The following WDR97 variants were observed in gnomAD, a reference collection of about 807,000 sequenced individuals.
WDR97 encodes the protein WD repeat-containing protein 97.
A neutral mutation model predicts 65.4 loss-of-function variants in WDR97; 111 were observed. That is an observed-to-expected ratio of 1.70 (90% CI 1.45 to 1.99). The LOEUF (loss-of-function observed/expected upper bound fraction) is 1.99, where lower values mean the gene tolerates loss of function less well. WDR97 is among the 30% of genes most tolerant of loss of function. The pLI, the probability that WDR97 is intolerant of heterozygous loss-of-function variation, is 0.00. For synonymous variants in WDR97, 802 were observed against 397.7 expected, an observed-to-expected ratio of 2.02 and a Z score of -12.10; for missense variants, 1,674 against 865.0, an observed-to-expected ratio of 1.94 and a Z score of -11.73.
Position 144,114,879 on chromosome 8 carries a change from C to T in WDR97, c.4045C>T (p.Gln1349Ter), listed in dbSNP as rs1049882379. 1 of 701,414 alleles carries T rather than the reference C, an allele frequency of 1.4e-6. No homozygotes were observed. The highest frequency in any genetic ancestry group is 2.6e-6 in the Non-Finnish European group (1 of 384,470). The allele number at this position is 701,414 out of a possible 1,614,324, so 43.4% of individuals were successfully genotyped here. Reference sequence around the variant, plus strand: ...GGCCGGCCTGCGCACTTGCTGCCACCAGAAACTGGAGGACATGATCCAGGA... The same window carrying T: ...GGCCGGCCTGCGCACTTGCTGCCACTAGAAACTGGAGGACATGATCCAGGA... ...SKAGLRTCCH[Q>*]KLEDMIQELQ... Residue 1349 changes from glutamine to a stop codon, truncating the protein, a stop_gained, in exon 21 of 24, where the codon CAG (glutamine) becomes TAG (stop). Transcript: ENST00000323662. LOFTEE classifies it high-confidence loss of function.
At position 144,112,354 on chromosome 8, in the gene WDR97, G is replaced by C. The variant is rs1163232576; in HGVS notation, c.3021+5G>C. On this transcript the variant is annotated splice_donor_5th_base_variant and intron_variant, in intron 14 of 23. Transcript: ENST00000323662. Reference sequence around the variant, plus strand: ...TCCTCCCACTTGCAGTGCAGGGTGAGGGACCCAGGCAGGTGGGGTACCACC... The same window carrying C: ...TCCTCCCACTTGCAGTGCAGGGTGACGGACCCAGGCAGGTGGGGTACCACC... The C allele has an allele frequency of 1.4e-6, 1 of 702,664 alleles. No homozygotes were observed. The highest frequency in any genetic ancestry group is 1.5e-5 in the South Asian group (1 of 67,604). 43.5% of individuals were successfully genotyped at this position (702,664 alleles called of 1,614,324 possible). A position where few individuals can be genotyped will look rare whatever the true frequency, so the allele number is the denominator to read the frequency against.
chr8:144,110,397 A>G lies in WDR97; in HGVS notation c.1900A>G (p.Ser634Gly), dbSNP rs561801815. The G allele has an allele frequency of 5.7e-6, 4 of 702,986 alleles. No homozygotes were observed. The highest frequency in any genetic ancestry group is 1.0e-5 in the Non-Finnish European group (4 of 384,988). The allele number at this position is 702,986 out of a possible 1,614,324, so 43.5% of individuals were successfully genotyped here. ...RVFPYAEESL[S>G]LLRTFSCCYP... ...CTTCCCCTATGCCGAAGAGAGCCTG[A>G]GCCTGCTGCGCACCTTCTCCTGCTG... The change falls in exon 7 of 24, where the codon AGC becomes GGC. Residue 634 changes from serine (S) to glycine (G), a missense_variant. Physicochemically the swap from Ser to Gly is moderately conservative, Grantham distance 56. Coordinates refer to ENST00000323662, the MANE Select transcript of WDR97 (RefSeq NM_001316309.2).
At position 144,107,807 on chromosome 8, in the gene WDR97, G is replaced by A. The variant is rs569648846; in HGVS notation, c.57G>A (p.Leu19=). The stretch of plus-strand genomic sequence containing the variant: ...ACAACCTAGTTCTGGACTCGGACCT[G>A]TATGATGCGGATGGCTATGATGTCC... The part of the protein sequence containing the change: ...EGYNLVLDSD[L]YDADGYDVPD... Residue 19 remains leucine (L), a synonymous_variant, in exon 1 of 24, where the codon CTG becomes CTA. Coordinates refer to ENST00000323662, the MANE Select transcript of WDR97 (RefSeq NM_001316309.2). 1.4e-6 allele frequency: 1 copy of A among 702,878 alleles called. No homozygotes were observed. The highest frequency in any genetic ancestry group is 2.6e-6 in the Non-Finnish European group (1 of 385,008). The allele number at this position is 702,878 out of a possible 1,614,324, so 43.5% of individuals were successfully genotyped here.
rs922836645 is a variant in WDR97 at position 144,114,865 on chromosome 8, G to A, written c.4031G>A (p.Arg1344His). 4.7e-5 allele frequency: 33 copies of A among 702,036 alleles called. No homozygotes were observed. The highest frequency in any genetic ancestry group is 2.3e-4 in the Middle Eastern group (1 of 4,350). 43.5% of individuals were successfully genotyped at this position (702,036 alleles called of 1,614,324 possible). ...GACCTGGACTCCAAGGCCGGCCTGC[G>A]CACTTGCTGCCACCAGAAACTGGAG... ...GPDLDSKAGL[R>H]TCCHQKLEDM... Residue 1344 changes from arginine to histidine, a missense_variant, in exon 21 of 24, where the codon CGC (arginine) becomes CAC (histidine). Coordinates refer to ENST00000323662, the MANE Select transcript of WDR97 (RefSeq NM_001316309.2).
In WDR97 at chr8:144,113,698, G is replaced by A. The variant is rs755427262; in HGVS notation, c.3225G>A (p.Arg1075=). Reference sequence around the variant, plus strand: ...ATGCCCTGTGGTTGTGGCGCCCCAGGCCATCCCAAACCCAGTGGCAGAGGA... The same window carrying A: ...ATGCCCTGTGGTTGTGGCGCCCCAGACCATCCCAAACCCAGTGGCAGAGGA... ...SQDALWLWRP[R]PSQTQWQRKL... is the part of the protein sequence containing the mutation. The change falls in exon 17 of 24, where the codon AGG becomes AGA. Residue 1075 remains arginine (R), a synonymous_variant. Transcript: ENST00000323662. 7.4e-6 allele frequency: 5 copies of A among 677,864 alleles called. No homozygotes were observed. Among genetic ancestry groups the A allele is most frequent in the South Asian group, 6.3e-5 (4 of 63,534 alleles). The allele number at this position is 677,864 out of a possible 1,614,324, so 42.0% of individuals were successfully genotyped here.
In WDR97 at chr8:144,109,369, G is replaced by A. The variant is rs1356009779; in HGVS notation, c.1035G>A (p.Thr345=). ...PVTAMTVLPN[T]TLVLSASQDG... ...CGGCTATGACTGTGCTCCCGAACAC[G>A]ACCCTGGTGTTGTCGGCCTCGCAGG... Residue 345 remains threonine, a synonymous_variant, in exon 5 of 24, where the codon ACG becomes ACA. Coordinates refer to ENST00000323662, the MANE Select transcript of WDR97 (RefSeq NM_001316309.2). 1.4e-6 allele frequency: 1 copy of A among 702,482 alleles called. No individual in the cohort carries two copies. Among genetic ancestry groups the A allele is most frequent in the East Asian group, 2.7e-5 (1 of 37,290 alleles). The allele number at this position is 702,482 out of a possible 1,614,324, so 43.5% of individuals were successfully genotyped here.
rs1836523109 is a variant in WDR97, at chr8:144,110,427, C to G, written c.1930C>G (p.Pro644Ala). ...GCTGCGCACCTTCTCCTGCTGCTAC[C>G]CGGCCGTGGCGCTCTGTGCGCTAGG... ...SLLRTFSCCY[P>A]AVALCALGRR... The change falls in exon 7 of 24, where the codon CCG becomes GCG. Residue 644 changes from proline (P) to alanine (A), a missense_variant. Coordinates refer to ENST00000323662, the MANE Select transcript of WDR97 (RefSeq NM_001316309.2). 1 of 702,930 alleles carries G rather than the reference C, an allele frequency of 1.4e-6. No homozygotes were observed. The highest frequency in any genetic ancestry group is 2.6e-6 in the Non-Finnish European group (1 of 385,006). The allele number at this position is 702,930 out of a possible 1,614,324, so 43.5% of individuals were successfully genotyped here.
rs916437410 is a variant in WDR97, at chr8:144,111,776, C to T, written c.2632C>T (p.Leu878=). The change falls in exon 12 of 24, where the codon CTG becomes TTG. Residue 878 remains leucine, a synonymous_variant. Transcript: ENST00000323662. ...CCTCCGTCTGATCTACGGCTCTGGC[C>T]TGCTGGTAGGTGTAGGGCCTCCCCC... ...NYLRLIYGSG[L]LGMQSGRGSQ... is the part of the protein sequence containing the mutation. 2 of 686,542 alleles carry T rather than the reference C, an allele frequency of 2.9e-6. No individual in the cohort carries two copies. The highest frequency in any genetic ancestry group is 2.7e-6 in the Non-Finnish European group (1 of 374,590). 42.5% of individuals were successfully genotyped at this position (686,542 alleles called of 1,614,324 possible).
chr8:144,110,749 G>T lies in WDR97; in HGVS notation c.2171+10G>T, dbSNP rs913581467. 10 of 702,642 alleles carry T rather than the reference G, an allele frequency of 1.4e-5. No homozygotes were observed. The highest frequency in any genetic ancestry group is 2.6e-5 in the Non-Finnish European group (10 of 384,902). The allele number at this position is 702,642 out of a possible 1,614,324, so 43.5% of individuals were successfully genotyped here. ...AGAACCGCCTCCTGCGGTAGGCTAG[G>T]AGGTGGGGAGGGCTGGGGTCTCCTA... is the stretch of plus-strand genomic sequence containing the variant. On this transcript the variant is annotated intron_variant, in intron 8 of 23. Coordinates refer to ENST00000323662, the MANE Select transcript of WDR97 (RefSeq NM_001316309.2).
chr8:144,112,879 G>C (rs1564322308), intron 15 of WDR97: 1 of 382,798 alleles, frequency 2.6e-6, no homozygotes, highest in African/African-American at 2.0e-5. Context: ...TGGAAGATCA[G>C]AATCCCTGCC....
Position 144,116,373 on chromosome 8 carries a change from C to G in WDR97, c.*80C>G. On this transcript the variant is annotated 3_prime_UTR_variant, in exon 24 of 24. Coordinates refer to ENST00000323662, the MANE Select transcript of WDR97 (RefSeq NM_001316309.2). Reference sequence around the variant, plus strand: ...CAAGGCCTGCATCGGGAATAAAGTCCAGAGAATTTCTTTCTGCAGGATGCC... The same window carrying G: ...CAAGGCCTGCATCGGGAATAAAGTCGAGAGAATTTCTTTCTGCAGGATGCC... 1.8e-6 allele frequency: 1 copy of G among 560,136 alleles called. No individual in the cohort carries two copies. The highest frequency in any genetic ancestry group is 3.2e-6 in the Non-Finnish European group (1 of 316,482). The allele number at this position is 560,136 out of a possible 1,614,324, so 34.7% of individuals were successfully genotyped here.
At chr8:144,115,198 C>T (rs1836626398) in intron 21 of WDR97, 143 bp from the exon 22 acceptor site, 1 of 565,626 alleles carries the variant, frequency 1.8e-6, no homozygotes, top group Non-Finnish European at 3.1e-6. Context: ...TTTCAGTGGC[C>T]ATGTGGATGC....
intron 14 of WDR97, 24 bp from the exon 15 acceptor site, chr8:144,112,423 C>G (rs756675534): frequency 1.4e-6 from 1 of 702,368 alleles, no homozygotes; most frequent in African/African-American, 1.7e-5. Flanking sequence ...CTGTGTTGTT[C>G]TGAGCCCCCA....
chr8:144,115,066 G>A (rs1836623870), intron 21 of WDR97, among the ~76,000 whole-genome samples, 155 bp downstream of exon 21: 1 of 152,258 alleles, frequency 6.6e-6, no homozygotes, highest in African/African-American at 2.4e-5. Flanking sequence ...CATCTCTAGG[G>A]ATTTCCCTGT....
rs1289774728 is a variant in WDR97 at position 144,118,045 on chromosome 8, A to C, written c.*1752A>C. 8 of 152,232 alleles carry C rather than the reference A, an allele frequency of 5.3e-5. No homozygotes were observed. Among genetic ancestry groups the C allele is most frequent in the Admixed American group, 4.6e-4 (7 of 15,282 alleles). The allele number at this position is 152,232 out of a possible 1,614,324, so 9.4% of individuals were successfully genotyped here. On this transcript the variant is annotated 3_prime_UTR_variant, in exon 24 of 24. Transcript: ENST00000323662. Reference sequence around the variant, plus strand: ...CTTGCCTCTGAGGCCTAAGTTCCCCAACATTATAACAAGGGATATGGGAGT... The same window carrying C: ...CTTGCCTCTGAGGCCTAAGTTCCCCCACATTATAACAAGGGATATGGGAGT...
Position 144,110,155 on chromosome 8 carries a change from T to C in WDR97, c.1742T>C (p.Val581Ala), listed in dbSNP as rs1361915531. 4.3e-6 allele frequency: 3 copies of C among 702,834 alleles called. No homozygotes were observed. The highest frequency in any genetic ancestry group is 7.8e-6 in the Non-Finnish European group (3 of 384,942). The allele number at this position is 702,834 out of a possible 1,614,324, so 43.5% of individuals were successfully genotyped here. Residue 581 changes from valine (V) to alanine (A), a missense_variant, in exon 6 of 24, where the codon GTG becomes GCG. By Grantham distance (64) the Val-to-Ala change is moderately conservative (BLOSUM62 0). Coordinates refer to ENST00000323662, the MANE Select transcript of WDR97 (RefSeq NM_001316309.2). Reference protein sequence around the residue: ...VVGHTDGTLSVLEWLSSKTVF... With the variant: ...VVGHTDGTLSALEWLSSKTVF... ...GGGCACACGGACGGCACGCTGTCGG[T>C]GCTGGAGTGGCTCTCGTCGAAGACT...
rs1483143663 is a variant in WDR97, at chr8:144,112,539, C to T, written c.3105+9C>T. On this transcript the variant is annotated intron_variant, in intron 15 of 23. Coordinates refer to ENST00000323662, the MANE Select transcript of WDR97 (RefSeq NM_001316309.2). ...CCGTGCAGCCCCACAAGGTGAGACC[C>T]CCTCCCAGCTCCTGGAGAGCCACTC... 1.3e-5 allele frequency: 9 copies of T among 702,634 alleles called. No homozygotes were observed. Among genetic ancestry groups the T allele is most frequent in the Non-Finnish European group, 1.8e-5 (7 of 384,914 alleles). The allele number at this position is 702,634 out of a possible 1,614,324, so 43.5% of individuals were successfully genotyped here.
At chr8:144,115,102 C>G (rs911367873) in intron 21 of WDR97, among the ~76,000 whole-genome samples, 191 bp downstream of exon 21, 1 of 151,676 alleles carries the variant, frequency 6.6e-6, no homozygotes, top group East Asian at 1.9e-4. Context: ...CAGGGGGTGT[C>G]TGGCCCGAAC....
In WDR97 at chr8:144,107,885, T is replaced by C. The variant is rs2130030863; in HGVS notation, c.112+23T>C. On this transcript the variant is annotated intron_variant, in intron 1 of 23. Coordinates refer to ENST00000323662, the MANE Select transcript of WDR97 (RefSeq NM_001316309.2). ...ATGGTGAGGGGGCCTGGCCTCGCCC[T>C]CCGGGCATCCCGCTAGGAAGTGGGT... 3 of 702,800 alleles carry C rather than the reference T, an allele frequency of 4.3e-6. No homozygotes were observed. In the South Asian group the frequency reaches 4.4e-5, roughly 10 times the overall value. 43.5% of individuals were successfully genotyped at this position (702,800 alleles called of 1,614,324 possible). A position where few individuals can be genotyped will look rare whatever the true frequency, so the allele number is the denominator to read the frequency against.
Sources: allele counts gnomAD v4.1 joint callset (sites outside exome capture counted in the v4.1 genomes callset), GRCh38; gene constraint gnomAD v4.1.1; transcripts MANE v1.5; gene names NCBI Gene and HGNC (gene_info 2026-07-23, HGNC 2026-07-21).